The following LNPEP variants were observed in gnomAD, a reference collection of about 807,000 sequenced individuals.
The protein encoded by LNPEP is leucyl and cystinyl aminopeptidase.
Under a neutral mutation model 120.6 loss-of-function variants are expected in LNPEP, and 64 were observed. The observed-to-expected ratio is 0.53, with a 90% confidence interval of 0.43 to 0.65. LNPEP has a LOEUF of 0.65. LNPEP is among the 30% of genes least tolerant of loss of function. LNPEP has a pLI of 0.00. For synonymous variants in LNPEP, 435 were observed against 425.4 expected (o/e 1.02, Z -0.28); for missense variants, 1,057 against 1,200.0 (o/e 0.88, Z 1.76).
At chr5:96,951,540 G>T (rs1212267633) in intron 1 of LNPEP, among the ~76,000 whole-genome samples, 1 of 151,916 alleles carries the variant, frequency 6.6e-6, no homozygotes, top group African/African-American at 2.4e-5. Context: ...TTACAGGCGT[G>T]AGCCACCGCA....
chr5:96,996,076 A>T (rs75502358), intron 6 of LNPEP: 6,895 of 176,456 alleles, frequency 0.039, 227 homozygotes, highest in Middle Eastern at 0.11. Flanking sequence ...GGCCGAAAAA[A>T]GTTTTTATTT....
At chr5:97,023,965 T>C (rs1791275915) in intron 14 of LNPEP, among the ~76,000 whole-genome samples, 1 of 152,098 alleles carries the variant, frequency 6.6e-6, no homozygotes, top group Admixed American at 6.5e-5. Context: ...AGTTAGCAGT[T>C]AACAGAAAAG....
intron 7 of LNPEP, among the ~76,000 whole-genome samples, 176 bp from the exon 8 acceptor site, chr5:96,997,838 T>A (rs1790552651): frequency 6.6e-6 from 1 of 152,166 alleles, no homozygotes; most frequent in Admixed American, 6.5e-5. Context: ...TAAGGAATAT[T>A]CATGAAGTTT....
chr5:96,981,790 T>G (rs546506130), intron 2 of LNPEP, among the ~76,000 whole-genome samples: 1 of 152,280 alleles, frequency 6.6e-6, no homozygotes, highest in Admixed American at 6.5e-5. Context: ...GAGTTAAATC[T>G]CAAAGTTGTT....
intron 13 of LNPEP, among the ~76,000 whole-genome samples, chr5:97,019,229 C>G (rs1261317311): frequency 6.6e-6 from 1 of 152,106 alleles, no homozygotes; most frequent in Non-Finnish European, 1.5e-5. Context: ...TTCCTCTCTC[C>G]ACTTGCCATT....
intron 1 of LNPEP, among the ~76,000 whole-genome samples, chr5:96,970,701 A>G (rs1273132125): frequency 2.6e-5 from 4 of 151,626 alleles, no homozygotes. Flanking sequence ...TCACTTTTTC[A>G]GTGTTTCTTC....
chr5:96,986,523 TC>T lies in LNPEP; in HGVS notation c.1000-12del. ...TTCCTATAGTTACAGAACTGTCTTT[TC>T]CCCTTTGCTTGTAGAAGTCATCAGT... On this transcript the variant is annotated splice_polypyrimidine_tract_variant and intron_variant, in intron 3 of 17. Coordinates refer to ENST00000231368, the MANE Select transcript of LNPEP (RefSeq NM_005575.3). 6.2e-7 allele frequency: 1 copy of T among 1,610,670 alleles called. No individual in the cohort carries two copies. The highest frequency in any genetic ancestry group is 8.5e-7 in the Non-Finnish European group (1 of 1,177,948).
chr5:97,028,694 CT>C lies in LNPEP; in HGVS notation c.*165del, dbSNP rs1240123871. ...GGGCCTGACTGTATTTTTCATCCAT[CT>C]TTTCTGAAGTGTCTTTGGGCAGTAT... On this transcript the variant is annotated 3_prime_UTR_variant, in exon 18 of 18. Coordinates refer to ENST00000231368, the MANE Select transcript of LNPEP (RefSeq NM_005575.3). 1.5e-6 allele frequency: 1 copy of C among 660,830 alleles called. No individual in the cohort carries two copies. The highest frequency in any genetic ancestry group is 2.8e-5 in the East Asian group (1 of 36,166). 40.9% of individuals were successfully genotyped at this position (660,830 alleles called of 1,614,324 possible). A position where few individuals can be genotyped will look rare whatever the true frequency, so the allele number is the denominator to read the frequency against.
Position 97,029,927 on chromosome 5 carries a change from T to C in LNPEP, c.*1394T>C, listed in dbSNP as rs1049518140. 1 of 152,114 alleles carries C rather than the reference T, an allele frequency of 6.6e-6. No homozygotes were observed. The highest frequency in any genetic ancestry group is 2.4e-5 in the African/African-American group (1 of 41,458). 9.4% of individuals were successfully genotyped at this position (152,114 alleles called of 1,614,324 possible). A position where few individuals can be genotyped will look rare whatever the true frequency, so the allele number is the denominator to read the frequency against. On this transcript the variant is annotated 3_prime_UTR_variant, in exon 18 of 18. Transcript: ENST00000231368. ...TTCTTTGATTCTTAGGAGAAAAGCTTTCTTCCTAATAATTCTTGAGAACTT... is the reference window on the plus strand; with the variant it reads ...TTCTTTGATTCTTAGGAGAAAAGCTCTCTTCCTAATAATTCTTGAGAACTT...
In LNPEP at chr5:97,036,321, C is replaced by T. The variant is rs1791571743; in HGVS notation, c.*7788C>T. Reference sequence around the variant, plus strand: ...TCTTACCCAGAGGTCTTTTGTGTGACTGCATCTTTCTCCTCCGTTCTCCAT... The same window carrying T: ...TCTTACCCAGAGGTCTTTTGTGTGATTGCATCTTTCTCCTCCGTTCTCCAT... On this transcript the variant is annotated 3_prime_UTR_variant, in exon 18 of 18. Coordinates refer to ENST00000231368, the MANE Select transcript of LNPEP (RefSeq NM_005575.3). 6.6e-6 allele frequency: 1 copy of T among 152,164 alleles called. No individual in the cohort carries two copies. The highest frequency in any genetic ancestry group is 6.6e-5 in the Admixed American group (1 of 15,260). 9.4% of individuals were successfully genotyped at this position (152,164 alleles called of 1,614,324 possible). A position where few individuals can be genotyped will look rare whatever the true frequency, so the allele number is the denominator to read the frequency against.
chr5:97,007,547 A>G (rs1790815852), intron 11 of LNPEP, among the ~76,000 whole-genome samples: 1 of 152,228 alleles, frequency 6.6e-6, no homozygotes, highest in African/African-American at 2.4e-5. Flanking sequence ...AATCTTTAAT[A>G]TATCTATATT....
chr5:96,961,616 T>C (rs890473315), intron 1 of LNPEP, among the ~76,000 whole-genome samples: 1 of 152,156 alleles, frequency 6.6e-6, no homozygotes. Context: ...CATCCCTCAG[T>C]ATCCTCTGAG....
chr5:96,969,562 T>C (rs1372669842), intron 1 of LNPEP, among the ~76,000 whole-genome samples: 4 of 152,032 alleles, frequency 2.6e-5, no homozygotes, highest in Non-Finnish European at 5.9e-5. Context: ...AACTAGACTT[T>C]TGAGAAGTGA....
chr5:97,019,362 A>G (rs1388362453), intron 13 of LNPEP, among the ~76,000 whole-genome samples: 1 of 152,196 alleles, frequency 6.6e-6, no homozygotes, highest in Non-Finnish European at 1.5e-5. Flanking sequence ...AATTTGAAGC[A>G]CATGCTATGC....
At chr5:96,992,304 C>T (rs1220869443) in intron 4 of LNPEP, among the ~76,000 whole-genome samples, 2 of 151,994 alleles carry the variant, frequency 1.3e-5, no homozygotes, top group Non-Finnish European at 2.9e-5. Context: ...CTGTGTACAA[C>T]TCATAAAACA....
chr5:96,962,922 G>A (rs933692087), intron 1 of LNPEP, among the ~76,000 whole-genome samples: 20 of 152,230 alleles, frequency 1.3e-4, no homozygotes, highest in Non-Finnish European at 2.4e-4. Flanking sequence ...ACCTGGTCCC[G>A]TGCTAGGACC....
chr5:96,953,149 A>G (rs919264881), intron 1 of LNPEP, among the ~76,000 whole-genome samples: 4 of 119,676 alleles, frequency 3.3e-5, no homozygotes, highest in Non-Finnish European at 7.7e-5. Flanking sequence ...ACAGATGGTT[A>G]ATCTATTGGC....
chr5:97,026,014 A>T, intron 15 of LNPEP, among the ~76,000 whole-genome samples: 1 of 152,176 alleles, frequency 6.6e-6, no homozygotes, highest in East Asian at 1.9e-4. Context: ...TTTTGTTCAG[A>T]TGTCGGGCTT....
chr5:96,979,521 A>G lies in LNPEP; in HGVS notation c.403A>G (p.Thr135Ala), dbSNP rs762117620. The G allele has an allele frequency of 6.2e-7, 1 of 1,614,020 alleles. No individual in the cohort carries two copies. Among genetic ancestry groups the G allele is most frequent in the South Asian group, 1.1e-5 (1 of 91,084 alleles). The change falls in exon 2 of 18, where the codon ACC becomes GCC. Residue 135 changes from threonine to alanine, a missense_variant. Thr to Ala is a moderately conservative substitution (Grantham distance 58, BLOSUM62 0). Transcript: ENST00000231368. ...IMVIYLLPRCTFTKEGCHKKN... is the reference protein window; with the variant it reads ...IMVIYLLPRCAFTKEGCHKKN... ...GGTGATTTACTTACTGCCCAGATGT[A>G]CCTTTACCAAAGAAGGCTGCCATAA...
Sources: gnomAD v4.1 joint callset for allele counts (sites outside exome capture counted in the v4.1 genomes callset) on GRCh38, gnomAD v4.1.1 for gene constraint, MANE v1.5 for transcripts, NCBI Gene and HGNC (gene_info 2026-07-23, HGNC 2026-07-21) for gene names.